The following DNER variants were observed in gnomAD, a reference collection of about 807,000 sequenced individuals.
DNER encodes delta and Notch-like epidermal growth factor-related receptor.
Under a neutral mutation model 78.2 loss-of-function variants are expected in DNER, and 33 were observed. The ratio of observed to expected loss-of-function variants is 0.42; its 90% CI spans 0.32 to 0.56. The LOEUF (loss-of-function observed/expected upper bound fraction) is 0.56, where lower values mean the gene tolerates loss of function less well. DNER is among the 20% of genes least tolerant of loss of function. DNER has a pLI of 0.11. For missense variants in DNER, 918 were observed against 975.3 expected, an observed-to-expected ratio of 0.94 and a Z score of 0.78; for synonymous variants, 417 against 384.8, an observed-to-expected ratio of 1.08 and a Z score of -0.98.
At chr2:229,611,120 C>T (rs1181963093) in intron 1 of DNER, among the ~76,000 whole-genome samples, 1 of 152,210 alleles carries the variant, frequency 6.6e-6, no homozygotes, top group African/African-American at 2.4e-5. Flanking sequence ...ATCAACTGAG[C>T]AGCTGTATAG....
At chr2:229,592,964 G>C (rs113767096) in intron 1 of DNER, among the ~76,000 whole-genome samples, 80 of 152,232 alleles carry the variant, frequency 5.3e-4, no homozygotes, top group African/African-American at 1.8e-3. Context: ...TACTCGTTCT[G>C]CTAATTATTC....
At chr2:229,606,363 CTG>C (rs1368547339) in intron 1 of DNER, 1 of 152,280 alleles carries the variant, frequency 6.6e-6, no homozygotes, top group African/African-American at 2.4e-5. Context: ...GCAACTATAA[CTG>C]AGCCCACAAA....
intron 7 of DNER, among the ~76,000 whole-genome samples, chr2:229,455,890 A>C (rs1174990951): frequency 6.6e-6 from 1 of 152,146 alleles, no homozygotes; most frequent in Admixed American, 6.5e-5. Flanking sequence ...AGAAAGATCA[A>C]GTAACTTGCC....
chr2:229,630,972 T>C (rs1159156971), intron 1 of DNER, among the ~76,000 whole-genome samples: 1 of 116,142 alleles, frequency 8.6e-6, no homozygotes, highest in African/African-American at 2.5e-5. Flanking sequence ...CATGATTTCA[T>C]TCTTTTTTAT....
At chr2:229,533,874 G>T (rs1696353858) in intron 5 of DNER, among the ~76,000 whole-genome samples, 1 of 152,184 alleles carries the variant, frequency 6.6e-6, no homozygotes, top group African/African-American at 2.4e-5. Context: ...TAGAATTTTG[G>T]AAAACTTTTA....
At chr2:229,681,272 T>C (rs548687336) in intron 1 of DNER, among the ~76,000 whole-genome samples, 3 of 152,306 alleles carry the variant, frequency 2.0e-5, no homozygotes, top group East Asian at 3.9e-4. Context: ...GAAAAGGACA[T>C]GGAATGCTTG....
intron 6 of DNER, among the ~76,000 whole-genome samples, chr2:229,502,901 A>T (rs1035134416): frequency 6.6e-6 from 1 of 152,186 alleles, no homozygotes; most frequent in East Asian, 1.9e-4. Flanking sequence ...CCCCTTAGAT[A>T]TTTTTTTCCT....
chr2:229,671,898 C>T (rs949854948), intron 1 of DNER, among the ~76,000 whole-genome samples: 4 of 152,064 alleles, frequency 2.6e-5, no homozygotes, highest in South Asian at 2.1e-4. Context: ...GTGCCTGGTG[C>T]GTAGAAATGT....
At chr2:229,524,725 G>C (rs1403801395) in intron 5 of DNER, among the ~76,000 whole-genome samples, 1 of 152,158 alleles carries the variant, frequency 6.6e-6, no homozygotes, top group Non-Finnish European at 1.5e-5. Flanking sequence ...AACAGCTGTG[G>C]ACACCAGGGA....
chr2:229,640,138 T>G (rs1698591333), intron 1 of DNER, among the ~76,000 whole-genome samples: 1 of 152,180 alleles, frequency 6.6e-6, no homozygotes. Flanking sequence ...GGAGGCTAAT[T>G]TAAAGGGTTA....
chr2:229,425,351 A>G (rs6705613), intron 8 of DNER, among the ~76,000 whole-genome samples: 148,694 of 152,242 alleles, frequency 0.98, 72,627 homozygotes, highest in East Asian at 1. Context: ...CTCCAGCCAC[A>G]TGGTGAAGCT....
chr2:229,383,470 A>G (rs1285404827), intron 11 of DNER, among the ~76,000 whole-genome samples: 2 of 152,186 alleles, frequency 1.3e-5, no homozygotes, highest in Non-Finnish European at 2.9e-5. Flanking sequence ...ACAGTGGCAA[A>G]TTGCATAGAG....
intron 4 of DNER, chr2:229,580,345 C>A (rs186844932): frequency 1.2e-4 from 19 of 152,226 alleles, no homozygotes; most frequent in African/African-American, 4.3e-4. Context: ...TACAGTGGAC[C>A]TAAAGTTATG....
chr2:229,600,835 G>C (rs545886235), intron 1 of DNER, among the ~76,000 whole-genome samples: 2 of 152,322 alleles, frequency 1.3e-5, no homozygotes, highest in South Asian at 2.1e-4. Flanking sequence ...CATGGAAGAC[G>C]ATGGATGGGG....
chr2:229,519,785 C>A (rs1018799556), intron 5 of DNER, among the ~76,000 whole-genome samples: 2 of 152,032 alleles, frequency 1.3e-5, no homozygotes, highest in Admixed American at 6.6e-5. Flanking sequence ...CTCAAATAAC[C>A]CCGGCAATGG....
chr2:229,372,095 C>G (rs370538127), intron 11 of DNER, among the ~76,000 whole-genome samples: 1 of 152,136 alleles, frequency 6.6e-6, no homozygotes, highest in East Asian at 1.9e-4. Flanking sequence ...TTATGGGGAT[C>G]CATTCACTGA....
intron 1 of DNER, among the ~76,000 whole-genome samples, chr2:229,694,856 T>G (rs1699637083): frequency 6.6e-6 from 1 of 152,216 alleles, no homozygotes; most frequent in Non-Finnish European, 1.5e-5. Flanking sequence ...TTTGGGGGAC[T>G]GTTGGGAAGG....
At position 229,512,889 on chromosome 2, in the gene DNER, A is replaced by G. The variant is rs1277974622; in HGVS notation, c.1041T>C (p.Cys347=). Reference sequence around the variant, plus strand: ...TCCTCTGGCAAGCATCGTATTCTTCACAGAAAGTACCCACGTACTGCTCCT... The same window carrying G: ...TCCTCTGGCAAGCATCGTATTCTTCGCAGAAAGTACCCACGTACTGCTCCT... ...TCEEQYVGTF[C]EEYDACQRKP... Residue 347 remains cysteine (C), a synonymous_variant, in exon 6 of 13, where the codon TGT becomes TGC. Coordinates refer to ENST00000341772, the MANE Select transcript of DNER (RefSeq NM_139072.4). 6.2e-7 allele frequency: 1 copy of G among 1,614,008 alleles called. No homozygotes were observed. Among genetic ancestry groups the G allele is most frequent in the Non-Finnish European group, 8.5e-7 (1 of 1,180,014 alleles).
intron 3 of DNER, chr2:229,586,594 C>T (rs1697507044): frequency 3.7e-5 from 35 of 937,278 alleles, no homozygotes; most frequent in Non-Finnish European, 4.4e-5. Context: ...ACAGAAAGCC[C>T]ATCAACCCCA....
Sources: allele counts gnomAD v4.1 joint callset (sites outside exome capture counted in the v4.1 genomes callset), GRCh38; gene constraint gnomAD v4.1.1; transcripts MANE v1.5; gene names NCBI Gene and HGNC (gene_info 2026-07-23, HGNC 2026-07-21).